The following STAG3 variants were observed in gnomAD, a reference collection of about 807,000 sequenced individuals.
STAG3 encodes STAG3 cohesin complex component, also known as cohesin subunit SA-3.
In STAG3, 101 loss-of-function variants were observed where a neutral mutation model predicts 160.7. That is an observed-to-expected ratio of 0.63 (90% CI 0.54 to 0.74). The LOEUF is 0.74. Among genes scored for constraint, STAG3 ranks in the 30% least tolerant of loss-of-function variants. The pLI, the probability that STAG3 is intolerant of heterozygous loss-of-function variation, is 0.00. For missense variants in STAG3, 1,188 were observed against 1,517.4 expected (o/e 0.78, Z 3.61); for synonymous variants, 519 against 585.0 (o/e 0.89, Z 1.63).
chr7:100,182,609 C>T (rs1799717862), intron 3 of STAG3, 114 bp from the exon 4 acceptor site: 1 of 1,003,382 alleles, frequency 1.0e-6, no homozygotes, highest in Non-Finnish European at 1.5e-6. Context: ...TCAGACTCTG[C>T]TGTGGAATTG....
chr7:100,180,009 A>T (rs548159929), intron 1 of STAG3, among the ~76,000 whole-genome samples: 2 of 152,316 alleles, frequency 1.3e-5, no homozygotes, highest in African/African-American at 4.8e-5. Flanking sequence ...TGCTGGGATT[A>T]CAGGCATGAG....
chr7:100,202,712 G>A, intron 25 of STAG3, 122 bp downstream of exon 25: 1 of 1,290,380 alleles, frequency 7.7e-7, no homozygotes, highest in South Asian at 1.7e-5. Flanking sequence ...AGGAGAAGTA[G>A]GAGGGAAAGG....
At chr7:100,213,845 A>G (rs1208148766) in intron 33 of STAG3, 39 bp downstream of exon 33, 2 of 1,614,008 alleles carry the variant, frequency 1.2e-6, no homozygotes, top group Non-Finnish European at 1.7e-6. Flanking sequence ...ATCCTTCGGA[A>G]ATGCTGGCAG....
chr7:100,218,035 G>A (rs576645691), downstream of STAG3, among the ~76,000 whole-genome samples: 3 of 149,534 alleles, frequency 2.0e-5, no homozygotes, highest in Non-Finnish European at 4.4e-5. Flanking sequence ...TCCCTTTCCC[G>A]GTCTGCTAAG....
intron 29 of STAG3, among the ~76,000 whole-genome samples, chr7:100,209,512 C>T (rs771225206): frequency 6.6e-6 from 1 of 152,140 alleles, no homozygotes; most frequent in Admixed American, 6.5e-5. Flanking sequence ...ACTCTGAGTG[C>T]AGTAGGAAAA....
At chr7:100,217,248 G>T (rs1487878856), downstream of STAG3, among the ~76,000 whole-genome samples, 2 of 152,184 alleles carry the variant, frequency 1.3e-5, no homozygotes, top group Non-Finnish European at 2.9e-5. Flanking sequence ...ACCCTGACAG[G>T]CTCAGCTGTG....
At chr7:100,213,923 CTT>C (rs1162395886) in intron 33 of STAG3, 82 bp from the exon 34 acceptor site, 1 of 1,612,872 alleles carries the variant, frequency 6.2e-7, no homozygotes, top group South Asian at 1.1e-5. Flanking sequence ...GTCTCTGGGG[CTT>C]TGAGGGTAAC....
In STAG3 at chr7:100,189,562, A is replaced by C. The variant is rs776480376; in HGVS notation, c.833A>C (p.Glu278Ala). 8.7e-6 allele frequency: 14 copies of C among 1,614,014 alleles called. No individual in the cohort carries two copies. Among genetic ancestry groups the C allele is most frequent in the Non-Finnish European group, 1.2e-5 (14 of 1,179,966 alleles). ...AAGGGGCCAGGGCAGAGGGCACCTG[A>C]GCGGCTGGAGAGCCTGTTGGAGAAA... ...RNKGPGQRAP[E>A]RLESLLEKRK... Residue 278 changes from glutamate (E) to alanine (A), a missense_variant, in exon 8 of 34, where the codon GAG becomes GCG. Transcript: ENST00000615138.
intron 29 of STAG3, among the ~76,000 whole-genome samples, chr7:100,210,474 T>C (rs17249588): frequency 0.02 from 3,053 of 152,332 alleles, 39 homozygotes; most frequent in South Asian, 0.039. Context: ...TATACTGGCA[T>C]TGCAATCACT....
At chr7:100,195,040 T>C (rs1179897424) in intron 8 of STAG3, among the ~76,000 whole-genome samples, 1 of 152,158 alleles carries the variant, frequency 6.6e-6, no homozygotes, top group Non-Finnish European at 1.5e-5. Flanking sequence ...GAGATACACC[T>C]GTATAATGCC....
At chr7:100,201,705 C>A in intron 21 of STAG3, 81 bp from the exon 22 acceptor site, 2 of 1,204,792 alleles carry the variant, frequency 1.7e-6, no homozygotes, top group Non-Finnish European at 2.5e-6. Context: ...ATTTTCTCTC[C>A]TCTTCACTGG....
At chr7:100,211,611 C>A in intron 31 of STAG3, 72 bp downstream of exon 31, 1 of 1,540,116 alleles carries the variant, frequency 6.5e-7, no homozygotes, top group Non-Finnish European at 8.9e-7. Context: ...CCTGTCTCAC[C>A]CATTGCCTCT....
At chr7:100,205,534 T>A in intron 29 of STAG3, 150 bp downstream of exon 29, 2 of 925,452 alleles carry the variant, frequency 2.2e-6, no homozygotes, top group Non-Finnish European at 3.1e-6. Flanking sequence ...AAACCTGTAT[T>A]AAAAATCAAA....
chr7:100,183,998 G>T (rs549010456), intron 4 of STAG3, among the ~76,000 whole-genome samples: 1 of 152,198 alleles, frequency 6.6e-6, no homozygotes, highest in Non-Finnish European at 1.5e-5. Flanking sequence ...GGGCACAGTG[G>T]CTCACACCTG....
chr7:100,191,857 C>A (rs1250083182), intron 8 of STAG3, among the ~76,000 whole-genome samples: 1 of 152,174 alleles, frequency 6.6e-6, no homozygotes. Context: ...AAACAAGAGT[C>A]AATTCTCTCA....
intron 5 of STAG3, among the ~76,000 whole-genome samples, chr7:100,187,851 G>C (rs913985744): frequency 2.0e-5 from 3 of 151,284 alleles, no homozygotes; most frequent in African/African-American, 4.9e-5. Context: ...CCGCCTCCCA[G>C]GTTCAAGCGA....
chr7:100,209,646 G>A (rs888391026), intron 29 of STAG3, among the ~76,000 whole-genome samples: 3 of 152,226 alleles, frequency 2.0e-5, no homozygotes, highest in African/African-American at 7.2e-5. Flanking sequence ...CAGGGAGGTT[G>A]TGGCTGTTGT....
chr7:100,178,108 C>G (rs1177395926), intron 1 of STAG3, 103 bp downstream of exon 1: 1 of 128,690 alleles, frequency 7.8e-6, no homozygotes, highest in East Asian at 2.3e-4. Flanking sequence ...CCCTCCCGGC[C>G]CTGACACTAG....
At position 100,205,206 on chromosome 7, in the gene STAG3, T is replaced by C. The variant is rs553254949; in HGVS notation, c.3081-21T>C. On this transcript the variant is annotated intron_variant, in intron 28 of 33. Transcript: ENST00000615138. ...AGGGCCCAGTAGCCCCTTCAGGCTT[T>C]TGGTTCTACCTCTTTCATAGACTGT... The C allele has an allele frequency of 4.0e-5, 65 of 1,613,478 alleles. 1 individual carries two copies. The South Asian group carries it at 7.0e-4, about 17-fold the overall frequency.
Sources: gnomAD v4.1 joint callset for allele counts (sites outside exome capture counted in the v4.1 genomes callset) on GRCh38, gnomAD v4.1.1 for gene constraint, MANE v1.5 for transcripts, NCBI Gene and HGNC (gene_info 2026-07-23, HGNC 2026-07-21) for gene names.